Variants in RBFOX1 observed in about 807,000 individuals in gnomAD.
RBFOX1 encodes the protein RNA binding fox-1 homolog 1.
In RBFOX1, 8 loss-of-function variants were observed where a neutral mutation model predicts 57.7. That is an observed-to-expected ratio of 0.14 (90% confidence interval 0.08 to 0.25). The LOEUF (loss-of-function observed/expected upper bound fraction) is 0.25, where lower values mean the gene tolerates loss of function less well. RBFOX1 is among the 10% of genes least tolerant of loss of function. RBFOX1 has a pLI of 1.00. For missense variants in RBFOX1, 611 were observed against 548.5 expected (o/e 1.11, Z -1.14); for synonymous variants, 326 against 222.4 (o/e 1.47, Z -4.15).
chr16:5,614,718 A>G (rs940026317), intron 3 of RBFOX1, among the ~76,000 whole-genome samples: 3 of 152,256 alleles, frequency 2.0e-5, no homozygotes, highest in Non-Finnish European at 4.4e-5. Flanking sequence ...GGAAGAAGAC[A>G]CATTTATTGA....
chr16:5,245,300 A>G (rs1260497541), intron 1 of RBFOX1, among the ~76,000 whole-genome samples: 1 of 152,192 alleles, frequency 6.6e-6, no homozygotes, highest in Admixed American at 6.5e-5. Flanking sequence ...AGTGTCAGGC[A>G]AGGACAGGAA....
chr16:6,489,001 A>G (rs2095567432), intron 2 of RBFOX1, among the ~76,000 whole-genome samples: 1 of 152,224 alleles, frequency 6.6e-6, no homozygotes, highest in African/African-American at 2.4e-5. Flanking sequence ...ATGCAAAATC[A>G]GACGGTCCTT....
chr16:6,436,424 T>C (rs2094235045), intron 2 of RBFOX1, among the ~76,000 whole-genome samples: 1 of 152,002 alleles, frequency 6.6e-6, no homozygotes, highest in African/African-American at 2.4e-5. Flanking sequence ...GGTATTTAAT[T>C]CCCTTATACA....
Position 7,129,653 on chromosome 16 carries a change from T to C in RBFOX1, c.27+77555T>C, listed in dbSNP as rs1263715307. On this transcript the variant is annotated intron_variant, in intron 4 of 15. Transcript: ENST00000550418. Reference sequence around the variant, plus strand: ...ATCATGAGGAGGATAATGTGGACATTAGGAAGAGGGGCCTTGCAGAAAGGG... The same window carrying C: ...ATCATGAGGAGGATAATGTGGACATCAGGAAGAGGGGCCTTGCAGAAAGGG... Among the ~76,000 whole-genome samples the C allele has an allele frequency of 2.0e-5, 3 of 152,110 alleles. No homozygotes were observed. In the East Asian group the frequency reaches 5.8e-4, roughly 29 times the overall value.
chr16:6,507,185 T>C (rs1357813888), intron 2 of RBFOX1, among the ~76,000 whole-genome samples: 1 of 152,122 alleles, frequency 6.6e-6, no homozygotes, highest in African/African-American at 2.4e-5. Flanking sequence ...TAGCCAGACA[T>C]CCCAAGACCT....
At chr16:7,482,469 A>AGTTGTT (rs139487781) in intron 4 of RBFOX1, among the ~76,000 whole-genome samples, 2 of 88,088 alleles carry the variant, frequency 2.3e-5, no homozygotes, top group African/African-American at 1.7e-4. Context: ...ATTTCATCCC[A>AGTTGTT]GTTGTTGTTG....
At chr16:6,619,082 T>C (rs2098186468) in intron 2 of RBFOX1, among the ~76,000 whole-genome samples, 1 of 152,072 alleles carries the variant, frequency 6.6e-6, no homozygotes, top group African/African-American at 2.4e-5. Flanking sequence ...AGGGTCAAGG[T>C]TGCATACCAA....
intron 3 of RBFOX1, among the ~76,000 whole-genome samples, chr16:5,834,227 G>C (rs1254840802): frequency 6.6e-6 from 1 of 152,198 alleles, no homozygotes; most frequent in African/African-American, 2.4e-5. Context: ...CATCTGAATA[G>C]TGTATATTGT....
chr16:6,307,741 A>G (rs2079703630), intron 1 of RBFOX1, among the ~76,000 whole-genome samples: 1 of 146,814 alleles, frequency 6.8e-6, no homozygotes, highest in South Asian at 2.2e-4. Flanking sequence ...AATTATTTCC[A>G]TATTTTATAC....
intron 1 of RBFOX1, among the ~76,000 whole-genome samples, chr16:5,406,850 A>G (rs1404131717): frequency 1.3e-5 from 2 of 152,148 alleles, no homozygotes; most frequent in African/African-American, 2.4e-5. Context: ...ATCCGTGGGC[A>G]CTCACCAGCG....
chr16:5,442,844 A>C (rs2068125663), intron 1 of RBFOX1, among the ~76,000 whole-genome samples: 1 of 152,212 alleles, frequency 6.6e-6, no homozygotes, highest in South Asian at 2.1e-4. Context: ...CTTGGAAATA[A>C]GGTCTTTGCA....
At chr16:5,650,153 C>G (rs545074554) in intron 3 of RBFOX1, among the ~76,000 whole-genome samples, 1 of 152,320 alleles carries the variant, frequency 6.6e-6, no homozygotes, top group Admixed American at 6.5e-5. Flanking sequence ...GCCTCCAGCC[C>G]CCACCCCCAA....
rs559041701 is a variant in RBFOX1 at position 7,450,189 on chromosome 16, A to T, written c.28-67958A>T. On this transcript the variant is annotated intron_variant, in intron 4 of 15. Coordinates refer to ENST00000550418, the MANE Select transcript of RBFOX1 (RefSeq NM_018723.4). ...GGTGGGTGGATCACAAGGTCAGGGG[A>T]TCGAGATCATCCTGGCCAATGTGGT... Among the ~76,000 whole-genome samples, 4 of 152,130 alleles carry T rather than the reference A, an allele frequency of 2.6e-5. No homozygotes were observed. In the South Asian group the frequency reaches 8.3e-4, roughly 32 times the overall value.
rs372780677 is a variant in RBFOX1 at position 7,010,560 on chromosome 16, C to G, written c.-15-41497C>G. ...CCCTTTTTTTTTTGTTTGTTTGTTT[C>G]TTTTTTTGAGACAGAGTTTTTCTCT... On this transcript the variant is annotated intron_variant, in intron 3 of 15. Transcript: ENST00000550418. 2.3e-3 allele frequency among the ~76,000 whole-genome samples: 345 copies of G among 150,788 alleles called. 2 individuals are homozygous for G. Among genetic ancestry groups the G allele is most frequent in the African/African-American group, 8.0e-3 (328 of 41,010 alleles).
chr16:5,437,308 CT>C (rs1455012444), intron 1 of RBFOX1, among the ~76,000 whole-genome samples: 1 of 152,124 alleles, frequency 6.6e-6, no homozygotes, highest in Non-Finnish European at 1.5e-5. Flanking sequence ...AGCAAACCAG[CT>C]TTTGTTTTTT....
At chr16:6,172,685 A>C (rs146073332) in intron 1 of RBFOX1, among the ~76,000 whole-genome samples, 1 of 152,174 alleles carries the variant, frequency 6.6e-6, no homozygotes, top group Non-Finnish European at 1.5e-5. Context: ...TGTGTTTGCT[A>C]TTCTTCACAA....
chr16:5,406,289 T>C (rs1287086435), intron 1 of RBFOX1, among the ~76,000 whole-genome samples: 1 of 152,136 alleles, frequency 6.6e-6, no homozygotes, highest in Non-Finnish European at 1.5e-5. Flanking sequence ...GGCTGTACTC[T>C]ACCCCAGTGT....
chr16:5,388,847 G>A lies in RBFOX1; in HGVS notation c.220-78369G>A, dbSNP rs367742410. 2.4e-4 allele frequency among the ~76,000 whole-genome samples: 37 copies of A among 151,652 alleles called. No individual in the cohort carries two copies. In the East Asian group the frequency reaches 2.8e-3, roughly 11 times the overall value. Reference sequence around the variant, plus strand: ...CCACCTCAGCCTCCCAAAGTGCTGGGATTACAGGCGTGAGTCACCGCGCCT... The same window carrying A: ...CCACCTCAGCCTCCCAAAGTGCTGGAATTACAGGCGTGAGTCACCGCGCCT... On this transcript the variant is annotated intron_variant, in intron 1 of 2. Coordinates refer to the RBFOX1 transcript ENST00000585867.
chr16:6,633,009 G>A (rs918156220), intron 2 of RBFOX1, among the ~76,000 whole-genome samples: 3 of 152,142 alleles, frequency 2.0e-5, no homozygotes, highest in African/African-American at 7.2e-5. Context: ...GAGAGGGATG[G>A]GGAGACATTG....
Sources: gnomAD v4.1 joint callset for allele counts (sites outside exome capture counted in the v4.1 genomes callset) on GRCh38, gnomAD v4.1.1 for gene constraint, MANE v1.5 for transcripts, NCBI Gene and HGNC (gene_info 2026-07-23, HGNC 2026-07-21) for gene names.